The following CNBD1 variants were observed in gnomAD, a reference collection of about 807,000 sequenced individuals.
CNBD1 encodes the protein cyclic nucleotide-binding domain-containing protein 1.
CNBD1 carries 71 observed loss-of-function variants against 54.4 expected under a neutral mutation model. The observed-to-expected ratio is 1.30, with a 90% CI of 1.08 to 1.59. The LOEUF (loss-of-function observed/expected upper bound fraction) is 1.59. Among genes scored for constraint, CNBD1 ranks in the 40% most tolerant of loss-of-function variants. The pLI, the probability that CNBD1 is intolerant of heterozygous loss-of-function variation, is 0.00. For missense variants in CNBD1, 659 were observed against 518.0 expected (o/e 1.27, Z -2.64); for synonymous variants, 182 against 170.7 (o/e 1.07, Z -0.51).
intron 4 of CNBD1, among the ~76,000 whole-genome samples, chr8:87,119,169 T>C (rs1811841269): frequency 1.3e-5 from 2 of 152,150 alleles, no homozygotes; most frequent in Admixed American, 1.3e-4. Context: ...GAATCAAATC[T>C]GTAGATTTCT....
intron 3 of CNBD1, among the ~76,000 whole-genome samples, chr8:86,934,468 C>T (rs1809510424): frequency 6.6e-6 from 1 of 152,118 alleles, no homozygotes; most frequent in African/African-American, 2.4e-5. Flanking sequence ...CTTGTCCTTT[C>T]CAATTCTTAC....
At chr8:86,868,008 G>A (rs1316160372) in intron 1 of CNBD1, among the ~76,000 whole-genome samples, 3 of 152,122 alleles carry the variant, frequency 2.0e-5, no homozygotes, top group Admixed American at 6.6e-5. Flanking sequence ...CTTTGAGGAC[G>A]TGCCCTGCTT....
chr8:87,344,169 C>G (rs1406364642), intron 8 of CNBD1, among the ~76,000 whole-genome samples: 1 of 151,940 alleles, frequency 6.6e-6, no homozygotes, highest in Non-Finnish European at 1.5e-5. Context: ...TTTAACCCAA[C>G]ATAATGTGTC....
At position 87,353,752 on chromosome 8, in the gene CNBD1, T is replaced by C; in HGVS notation, c.1269T>C (p.Val423=). 1 of 1,610,444 alleles carries C rather than the reference T, an allele frequency of 6.2e-7. No homozygotes were observed. Among genetic ancestry groups the C allele is most frequent in the Non-Finnish European group, 8.5e-7 (1 of 1,178,306 alleles). Residue 423 remains valine (V), a synonymous_variant, in exon 10 of 11, where the codon GTT becomes GTC. Transcript: ENST00000518476. ...FTCTIITKKE[V]EMAIIEDKDL... ...GCACAATCATTACCAAAAAAGAAGT[T>C]GAGATGGCAATCATTGAAGATAAGG... is the stretch of plus-strand genomic sequence containing the variant.
At chr8:87,229,280 T>C (rs1814607485) in intron 5 of CNBD1, among the ~76,000 whole-genome samples, 1 of 152,118 alleles carries the variant, frequency 6.6e-6, no homozygotes, top group South Asian at 2.1e-4. Context: ...CTCCCCCCGA[T>C]TTTTCTTAAA....
At chr8:87,327,697 C>T (rs751803038) in intron 8 of CNBD1, among the ~76,000 whole-genome samples, 31 of 152,274 alleles carry the variant, frequency 2.0e-4, no homozygotes, top group Non-Finnish European at 4.1e-4. Flanking sequence ...CCTGCGCCCA[C>T]TGTCTGGCAC....
chr8:87,049,921 A>G (rs1810277994), intron 4 of CNBD1, among the ~76,000 whole-genome samples: 1 of 152,212 alleles, frequency 6.6e-6, no homozygotes, highest in Non-Finnish European at 1.5e-5. Context: ...CCCCTTACTT[A>G]GGTAACTGAC....
intron 4 of CNBD1, among the ~76,000 whole-genome samples, chr8:87,120,324 A>C (rs893021982): frequency 6.6e-6 from 1 of 151,910 alleles, no homozygotes; most frequent in African/African-American, 2.4e-5. Context: ...CAAGGAATCT[A>C]TCCATTTCCT....
chr8:87,398,112 G>A (rs1811441927), intron 2 of CNBD1, among the ~76,000 whole-genome samples: 1 of 151,252 alleles, frequency 6.6e-6, no homozygotes, highest in Admixed American at 6.6e-5. Flanking sequence ...TTAGATATCA[G>A]CATCTTTATA....
chr8:87,159,341 A>T (rs983761920), intron 4 of CNBD1, among the ~76,000 whole-genome samples: 3 of 152,106 alleles, frequency 2.0e-5, no homozygotes, highest in African/African-American at 7.2e-5. Context: ...AGGAGTTTTC[A>T]TGGGATATAA....
intron 8 of CNBD1, among the ~76,000 whole-genome samples, chr8:87,296,637 A>G (rs113742383): frequency 0.023 from 3,456 of 151,494 alleles, 134 homozygotes; most frequent in African/African-American, 0.074. Context: ...ATACATATAT[A>G]TGTGTGTGTG....
At chr8:87,387,686 A>G (rs1300110210), downstream of CNBD1, among the ~76,000 whole-genome samples, 1 of 152,190 alleles carries the variant, frequency 6.6e-6, no homozygotes, top group Non-Finnish European at 1.5e-5. Flanking sequence ...TGTCAACATT[A>G]GACAGATCAA....
intron 2 of CNBD1, among the ~76,000 whole-genome samples, chr8:87,388,316 C>G (rs914545813): frequency 6.6e-6 from 1 of 152,008 alleles, no homozygotes. Flanking sequence ...AATCCAGGAG[C>G]TGGTTTTTTG....
At chr8:87,405,739 C>T (rs1399964375) in intron 2 of CNBD1, among the ~76,000 whole-genome samples, 1 of 152,140 alleles carries the variant, frequency 6.6e-6, no homozygotes, top group East Asian at 1.9e-4. Context: ...TGAAATGTGA[C>T]TAACAATGCC....
At chr8:87,331,273 T>C (rs1809823886) in intron 8 of CNBD1, among the ~76,000 whole-genome samples, 1 of 152,294 alleles carries the variant, frequency 6.6e-6, no homozygotes, top group South Asian at 2.1e-4. Context: ...CCATGTGTTC[T>C]AATTGTTCAG....
At chr8:87,232,578 A>C (rs1173527987) in intron 5 of CNBD1, among the ~76,000 whole-genome samples, 1 of 152,160 alleles carries the variant, frequency 6.6e-6, no homozygotes, top group African/African-American at 2.4e-5. Context: ...TTAATTTTGT[A>C]AAAGCATTTT....
intron 8 of CNBD1, among the ~76,000 whole-genome samples, chr8:87,299,826 A>G (rs1808949204): frequency 6.6e-6 from 1 of 152,180 alleles, no homozygotes; most frequent in South Asian, 2.1e-4. Flanking sequence ...CAGCCACACC[A>G]CACCCTGCAG....
chr8:86,920,785 AAGAATTTTACTG>A (rs566012168), intron 3 of CNBD1, among the ~76,000 whole-genome samples: 27 of 152,338 alleles, frequency 1.8e-4, no homozygotes, highest in African/African-American at 5.3e-4. Context: ...GCTCGAATTA[AAGAATTTTACTG>A]AGAATTTTAC....
At chr8:87,253,023 G>T (rs573798580) in intron 6 of CNBD1, among the ~76,000 whole-genome samples, 3 of 152,134 alleles carry the variant, frequency 2.0e-5, no homozygotes, top group Admixed American at 6.5e-5. Context: ...GAAATTCAGT[G>T]GACAATGAAT....
Sources: allele counts gnomAD v4.1 joint callset (sites outside exome capture counted in the v4.1 genomes callset), GRCh38; gene constraint gnomAD v4.1.1; transcripts MANE v1.5; gene names NCBI Gene and HGNC (gene_info 2026-07-23, HGNC 2026-07-21).